Variants in ADAMTSL1 observed in about 807,000 individuals in gnomAD.
ADAMTSL1 encodes the protein ADAMTS like 1, also known as ADAMTS-like protein 1.
A neutral mutation model predicts 201.8 loss-of-function variants in ADAMTSL1; 126 were observed. The ratio of observed to expected loss-of-function variants is 0.62; its 90% CI spans 0.54 to 0.72. The LOEUF is 0.72. Ranked by LOEUF, ADAMTSL1 falls within the 30% of genes least tolerant of loss-of-function variation. The pLI, the probability that ADAMTSL1 is intolerant of heterozygous loss-of-function variation, is 0.00. For missense variants in ADAMTSL1, 2,679 were observed against 2,277.8 expected (o/e 1.18, Z -3.59); for synonymous variants, 1,121 against 903.4 (o/e 1.24, Z -4.32).
At chr9:18,794,413 AAAAC>A (rs1450084919) in intron 19 of ADAMTSL1, among the ~76,000 whole-genome samples, 3 of 86,138 alleles carry the variant, frequency 3.5e-5, no homozygotes, top group African/African-American at 9.4e-5. Context: ...TCAAAAAAAA[AAAAC>A]AAAAACAAAA....
rs1825713598 is a variant in ADAMTSL1, at chr9:18,616,557, C to T, written c.475-5686C>T. Among the ~76,000 whole-genome samples the T allele has an allele frequency of 2.0e-5, 3 of 152,036 alleles. No homozygotes were observed. In the South Asian group the frequency reaches 6.2e-4, roughly 32 times the overall value. The stretch of plus-strand genomic sequence containing the variant: ...CATTTATTACACAAATATTCATTGT[C>T]TACTATAAAGAACACATTATTGCAT... On this transcript the variant is annotated intron_variant, in intron 4 of 28. Transcript: ENST00000380548.
chr9:18,352,361 G>T (rs1836009481), intron 2 of ADAMTSL1, among the ~76,000 whole-genome samples: 2 of 152,170 alleles, frequency 1.3e-5, no homozygotes, highest in African/African-American at 4.8e-5. Flanking sequence ...GTAGTCTTTG[G>T]ATAAGGATGT....
chr9:18,470,234 A>G (rs137958746), upstream of ADAMTSL1, among the ~76,000 whole-genome samples: 24 of 152,272 alleles, frequency 1.6e-4, no homozygotes, highest in African/African-American at 5.1e-4. Context: ...TAACTCCTAG[A>G]GTTTCTGTTC....
intron 2 of ADAMTSL1, among the ~76,000 whole-genome samples, chr9:18,253,305 C>T (rs373297588): frequency 4.3e-4 from 65 of 152,096 alleles, no homozygotes; most frequent in African/African-American, 1.4e-3. Context: ...TGAAAGGGAC[C>T]CTGGGTGGAT....
At chr9:18,145,833 T>A (rs913614055) in intron 1 of ADAMTSL1, among the ~76,000 whole-genome samples, 12 of 152,116 alleles carry the variant, frequency 7.9e-5, no homozygotes, top group Non-Finnish European at 1.2e-4. Context: ...TGGGAGAAAA[T>A]GTTTGCAGAC....
chr9:18,579,744 C>T (rs1822978730), intron 4 of ADAMTSL1, among the ~76,000 whole-genome samples: 1 of 152,146 alleles, frequency 6.6e-6, no homozygotes, highest in Admixed American at 6.5e-5. Context: ...TTATCAACTC[C>T]TGATCCAGGG....
chr9:18,064,724 T>C (rs2131711014), intron 1 of ADAMTSL1, among the ~76,000 whole-genome samples: 1 of 152,198 alleles, frequency 6.6e-6, no homozygotes, highest in East Asian at 1.9e-4. Context: ...CTCATTGGCT[T>C]GTTTGTGCCC....
At chr9:17,999,558 T>A (rs535508185) in intron 1 of ADAMTSL1, among the ~76,000 whole-genome samples, 6 of 152,138 alleles carry the variant, frequency 3.9e-5, no homozygotes, top group African/African-American at 1.2e-4. Flanking sequence ...ATAATCCTCA[T>A]CATCCTTGAT....
At chr9:18,849,008 C>T (rs1357200898) in intron 23 of ADAMTSL1, among the ~76,000 whole-genome samples, 1 of 152,224 alleles carries the variant, frequency 6.6e-6, no homozygotes, top group African/African-American at 2.4e-5. Flanking sequence ...CAGAGCTGAG[C>T]TATGGTCAAA....
intron 15 of ADAMTSL1, among the ~76,000 whole-genome samples, chr9:18,727,402 T>C (rs1817953966): frequency 6.6e-6 from 1 of 152,246 alleles, no homozygotes; most frequent in East Asian, 1.9e-4. Flanking sequence ...TGAGTCCATA[T>C]CCAGGCGCCT....
chr9:18,103,991 T>TATAACCCA (rs1431971797), intron 1 of ADAMTSL1, among the ~76,000 whole-genome samples: 1 of 152,240 alleles, frequency 6.6e-6, no homozygotes, highest in African/African-American at 2.4e-5. Flanking sequence ...TTTGACATTT[T>TATAACCCA]ATAACCCAGA....
intron 2 of ADAMTSL1, among the ~76,000 whole-genome samples, chr9:18,187,183 A>C (rs1407713550): frequency 6.6e-6 from 1 of 152,094 alleles, no homozygotes; most frequent in African/African-American, 2.4e-5. Context: ...GTTGATGCAG[A>C]GTTCTAGGCA....
chr9:18,322,246 G>T (rs1037560169), intron 2 of ADAMTSL1, among the ~76,000 whole-genome samples: 1 of 151,940 alleles, frequency 6.6e-6, no homozygotes. Context: ...TAGATAGAAG[G>T]AAATAATAAA....
At chr9:18,137,319 A>G (rs1232730925) in intron 1 of ADAMTSL1, among the ~76,000 whole-genome samples, 2 of 152,208 alleles carry the variant, frequency 1.3e-5, no homozygotes, top group East Asian at 3.9e-4. Context: ...TGAAAGAATT[A>G]TAATACATAT....
intron 2 of ADAMTSL1, among the ~76,000 whole-genome samples, chr9:18,227,132 A>T (rs960224568): frequency 4.6e-5 from 7 of 152,142 alleles, no homozygotes; most frequent in Non-Finnish European, 5.9e-5. Flanking sequence ...ACAAAACATT[A>T]CCCATACCTC....
At chr9:18,420,841 C>T (rs536689363) in intron 2 of ADAMTSL1, among the ~76,000 whole-genome samples, 3 of 152,098 alleles carry the variant, frequency 2.0e-5, no homozygotes, top group Non-Finnish European at 2.9e-5. Context: ...GTTTTTGTCT[C>T]GAATGCCAAC....
intron 19 of ADAMTSL1, among the ~76,000 whole-genome samples, chr9:18,790,871 T>C (rs1378030073): frequency 6.6e-6 from 1 of 152,180 alleles, no homozygotes; most frequent in Non-Finnish European, 1.5e-5. Context: ...AGTATTGATA[T>C]ACCTAGCATG....
intron 9 of ADAMTSL1, 71 bp from the exon 10 acceptor site, chr9:18,675,786 T>A: frequency 7.4e-7 from 1 of 1,346,112 alleles, no homozygotes; most frequent in Non-Finnish European, 1.0e-6. Context: ...ATTTGTATAA[T>A]GTAATCATTT....
intron 16 of ADAMTSL1, among the ~76,000 whole-genome samples, chr9:18,768,342 C>A (rs186993842): frequency 6.6e-6 from 1 of 152,000 alleles, no homozygotes; most frequent in Non-Finnish European, 1.5e-5. Context: ...TCTCCAGCTG[C>A]GTCCAGAGCA....
Sources: allele counts gnomAD v4.1 joint callset (sites outside exome capture counted in the v4.1 genomes callset), GRCh38; gene constraint gnomAD v4.1.1; transcripts MANE v1.5; gene names NCBI Gene and HGNC (gene_info 2026-07-23, HGNC 2026-07-21).